Variants in STK32B observed in about 807,000 individuals in gnomAD.
STK32B encodes serine/threonine-protein kinase 32B.
STK32B carries 43 observed loss-of-function variants against 52.6 expected under a neutral mutation model. The ratio of observed to expected loss-of-function variants is 0.82; its 90% CI spans 0.64 to 1.05. STK32B has a LOEUF of 1.05. Among genes scored for constraint, STK32B ranks in the 50% least tolerant of loss-of-function variants. STK32B has a pLI of 0.00. For missense variants in STK32B, 621 were observed against 534.6 expected (o/e 1.16, Z -1.59); for synonymous variants, 238 against 204.3 (o/e 1.17, Z -1.41).
At chr4:5,260,795 TA>T (rs1238377771) in intron 3 of STK32B, among the ~76,000 whole-genome samples, 1 of 152,046 alleles carries the variant, frequency 6.6e-6, no homozygotes, top group Non-Finnish European at 1.5e-5. Flanking sequence ...AAGGGGTGTC[TA>T]ATTAGGAAGG....
intron 11 of STK32B, among the ~76,000 whole-genome samples, chr4:5,484,937 A>G (rs1719024677): frequency 6.6e-6 from 1 of 152,188 alleles, no homozygotes; most frequent in South Asian, 2.1e-4. Context: ...TTTGGCTTGT[A>G]GAGTTTCTGC....
chr4:5,203,250 T>G (rs1053284211), intron 3 of STK32B, among the ~76,000 whole-genome samples: 1 of 152,196 alleles, frequency 6.6e-6, no homozygotes, highest in Non-Finnish European at 1.5e-5. Flanking sequence ...CCTTTTTAGA[T>G]TTTCTTTTGA....
intron 6 of STK32B, chr4:5,436,069 C>A (rs536276103): frequency 6.6e-6 from 1 of 152,340 alleles, no homozygotes; most frequent in Non-Finnish European, 1.5e-5. Context: ...GCAAGCAGGG[C>A]GGCACAAGAC....
intron 3 of STK32B, among the ~76,000 whole-genome samples, chr4:5,200,463 G>T (rs1040839767): frequency 1.3e-5 from 2 of 152,150 alleles, no homozygotes; most frequent in African/African-American, 4.8e-5. Flanking sequence ...TTGCCAGGGA[G>T]TCGTGGCTCC....
chr4:5,337,550 G>T (rs1212384385), intron 4 of STK32B, among the ~76,000 whole-genome samples: 1 of 152,136 alleles, frequency 6.6e-6, no homozygotes, highest in East Asian at 1.9e-4. Flanking sequence ...TATCAGTTGT[G>T]CCTCACATGT....
chr4:5,276,722 T>G (rs775715324), intron 3 of STK32B, among the ~76,000 whole-genome samples: 4 of 152,160 alleles, frequency 2.6e-5, no homozygotes, highest in Non-Finnish European at 5.9e-5. Flanking sequence ...TTATAATTTT[T>G]ACAATAGTCA....
At chr4:5,275,653 C>T (rs191936741) in intron 3 of STK32B, among the ~76,000 whole-genome samples, 54 of 152,036 alleles carry the variant, frequency 3.6e-4, no homozygotes, top group African/African-American at 1.3e-3. Flanking sequence ...TTCTGCAGCA[C>T]GTGGTGTGTA....
At chr4:5,249,796 A>C (rs1725784146) in intron 3 of STK32B, among the ~76,000 whole-genome samples, 1 of 152,126 alleles carries the variant, frequency 6.6e-6, no homozygotes, top group African/African-American at 2.4e-5. Context: ...AGAGGTATAC[A>C]TGCAAGTTTG....
intron 4 of STK32B, among the ~76,000 whole-genome samples, chr4:5,375,753 AC>A (rs1735547491): frequency 6.6e-6 from 1 of 152,026 alleles, no homozygotes. Flanking sequence ...TCTACTGATG[AC>A]TGTTCCTCAG....
intron 4 of STK32B, among the ~76,000 whole-genome samples, chr4:5,349,563 A>G (rs74569376): frequency 2.0e-5 from 3 of 152,342 alleles, no homozygotes; most frequent in Admixed American, 6.5e-5. Flanking sequence ...CAATGTAAGG[A>G]CACAGGAAAC....
intron 3 of STK32B, among the ~76,000 whole-genome samples, chr4:5,246,067 C>T (rs1473648233): frequency 1.3e-5 from 2 of 152,074 alleles, no homozygotes; most frequent in Non-Finnish European, 2.9e-5. Flanking sequence ...TTGCTCTTCT[C>T]GAGGAGTATC....
At chr4:5,053,401 T>C (rs1394633208) in intron 1 of STK32B, among the ~76,000 whole-genome samples, 1 of 152,162 alleles carries the variant, frequency 6.6e-6, no homozygotes, top group East Asian at 1.9e-4. Context: ...CAGTAAGAGT[T>C]TGAACACTAT....
At chr4:5,140,612 G>A (rs761474796) in intron 2 of STK32B, among the ~76,000 whole-genome samples, 2 of 152,128 alleles carry the variant, frequency 1.3e-5, no homozygotes, top group Non-Finnish European at 2.9e-5. Context: ...CCACATAGGC[G>A]GGAAGTGTCA....
In STK32B at chr4:5,150,710, G is replaced by GTTCTCCTCTTGGATACTCTTGGAT. The variant is rs1160696260; in HGVS notation, c.108+10780_108+10803dup. Among the ~76,000 whole-genome samples, 4 of 151,860 alleles carry GTTCTCCTCTTGGATACTCTTGGAT rather than the reference G, an allele frequency of 2.6e-5. No homozygotes were observed. In the East Asian group the frequency reaches 7.7e-4, roughly 29 times the overall value. On this transcript the variant is annotated intron_variant, in intron 2 of 11. Transcript: ENST00000282908. ...ATTTCTCCTCTTGGATACTCTTGGA[G>GTTCTCCTCTTGGATACTCTTGGAT]TTCTCCTCTTGGATACTCTTGGATT...
intron 6 of STK32B, among the ~76,000 whole-genome samples, chr4:5,430,737 T>C (rs1017573728): frequency 1.3e-5 from 2 of 152,190 alleles, no homozygotes; most frequent in African/African-American, 4.8e-5. Flanking sequence ...TCAATCTAAT[T>C]AGTAGTTGAG....
rs780412635 is a variant in STK32B, at chr4:5,225,342, G to T, written c.260+56892G>T. 1.9e-4 allele frequency among the ~76,000 whole-genome samples: 29 copies of T among 152,078 alleles called. 1 individual carries two copies. Among genetic ancestry groups the T allele is most frequent in the Admixed American group, 9.2e-4 (14 of 15,280 alleles). On this transcript the variant is annotated intron_variant, in intron 3 of 11. Coordinates refer to ENST00000282908, the MANE Select transcript of STK32B (RefSeq NM_018401.3). ...GAATCGTTTGAACCCAGGAGGCGGA[G>T]GTTGCTGTGAGCCGAGATCACGCCA...
At chr4:5,296,758 T>C (rs1266159535) in intron 3 of STK32B, among the ~76,000 whole-genome samples, 1 of 152,238 alleles carries the variant, frequency 6.6e-6, no homozygotes, top group African/African-American at 2.4e-5. Context: ...ATTTATCCCA[T>C]TGACATTTAA....
intron 4 of STK32B, among the ~76,000 whole-genome samples, chr4:5,370,430 T>C (rs1735153417): frequency 6.6e-6 from 1 of 152,150 alleles, no homozygotes; most frequent in Non-Finnish European, 1.5e-5. Flanking sequence ...TAAAGATGGT[T>C]GTGAAGAGAG....
At chr4:5,414,385 A>G (rs1175533536) in intron 5 of STK32B, among the ~76,000 whole-genome samples, 1 of 152,210 alleles carries the variant, frequency 6.6e-6, no homozygotes, top group Non-Finnish European at 1.5e-5. Context: ...TAATATTTCT[A>G]CCGCAAAACG....
Sources: gnomAD v4.1 joint callset for allele counts (sites outside exome capture counted in the v4.1 genomes callset) on GRCh38, gnomAD v4.1.1 for gene constraint, MANE v1.5 for transcripts, NCBI Gene and HGNC (gene_info 2026-07-23, HGNC 2026-07-21) for gene names.